DOCK2: variants seen among roughly 807,000 people sequenced by gnomAD.
DOCK2 encodes dedicator of cytokinesis 2, also known as dedicator of cytokinesis protein 2.
Under a neutral mutation model 248.9 loss-of-function variants are expected in DOCK2, and 87 were observed. The observed-to-expected ratio is 0.35, with a 90% confidence interval of 0.29 to 0.42. DOCK2 has a LOEUF of 0.42. DOCK2 is among the 10% of genes least tolerant of loss of function. The pLI, the probability that DOCK2 is intolerant of heterozygous loss-of-function variation, is 1.00. For synonymous variants in DOCK2, 805 were observed against 821.6 expected (o/e 0.98, Z 0.35); for missense variants, 1,747 against 2,300.2 (o/e 0.76, Z 4.92).
At chr5:170,057,428 C>T (rs187414742) in intron 43 of DOCK2, 152 bp from the exon 44 acceptor site, 33 of 707,322 alleles carry the variant, frequency 4.7e-5, no homozygotes, top group East Asian at 1.3e-4. Context: ...AAGGTGAGAG[C>T]GTGTTTCTGG....
chr5:169,945,285 G>A (rs1319415547), intron 27 of DOCK2, among the ~76,000 whole-genome samples: 1 of 152,230 alleles, frequency 6.6e-6, no homozygotes, highest in Non-Finnish European at 1.5e-5. Flanking sequence ...TAACGCCTTA[G>A]CAGGCATATA....
At chr5:169,895,612 G>T (rs182482544) in intron 27 of DOCK2, among the ~76,000 whole-genome samples, 15 of 151,814 alleles carry the variant, frequency 9.9e-5, no homozygotes, top group Non-Finnish European at 1.6e-4. Flanking sequence ...GCCACTGGGG[G>T]TTCCACCTTC....
intron 27 of DOCK2, chr5:169,883,578 G>A (rs773236680): frequency 7.3e-5 from 114 of 1,551,512 alleles, no homozygotes; most frequent in Admixed American, 5.7e-4. Context: ...TGAAAACTGG[G>A]AAATGCTTCC....
chr5:170,077,875 G>A (rs765516206), intron 48 of DOCK2, 38 bp downstream of exon 48: 14 of 1,587,216 alleles, frequency 8.8e-6, no homozygotes, highest in Non-Finnish European at 9.4e-6. Context: ...CCACACCCCT[G>A]CCTCCCTGGC....
chr5:169,656,441 A>T (rs887342393), intron 2 of DOCK2, among the ~76,000 whole-genome samples: 1 of 151,770 alleles, frequency 6.6e-6, no homozygotes, highest in Admixed American at 6.6e-5. Flanking sequence ...CTTGCGCCTC[A>T]GCCTCATTCG....
At chr5:169,732,044 G>A (rs9986261) in intron 22 of DOCK2, among the ~76,000 whole-genome samples, 3,926 of 152,178 alleles carry the variant, frequency 0.026, 175 homozygotes, top group African/African-American at 0.09. Flanking sequence ...ACTTCAACCC[G>A]GGAGGCAGAA....
intron 50 of DOCK2, 99 bp downstream of exon 50, chr5:170,080,382 G>T (rs1431336539): frequency 6.5e-7 from 1 of 1,549,560 alleles, no homozygotes; most frequent in Middle Eastern, 1.9e-4. Context: ...ACACAACAAA[G>T]TGGGCCAGGC....
At chr5:169,828,756 C>T (rs1328076388) in intron 26 of DOCK2, among the ~76,000 whole-genome samples, 1 of 152,196 alleles carries the variant, frequency 6.6e-6, no homozygotes, top group East Asian at 1.9e-4. Context: ...AGCTCCACGC[C>T]TCATCTGAGA....
At chr5:169,940,044 C>G (rs750157764) in intron 27 of DOCK2, among the ~76,000 whole-genome samples, 10 of 152,220 alleles carry the variant, frequency 6.6e-5, no homozygotes, top group Non-Finnish European at 1.3e-4. Context: ...AGGGAGTTTT[C>G]TCACTGTGTC....
In DOCK2 at chr5:170,047,475, T is replaced by C. The variant is rs370910015; in HGVS notation, c.3967-35T>C. On this transcript the variant is annotated intron_variant, in intron 39 of 51. Coordinates refer to ENST00000520908, the MANE Select transcript of DOCK2 (RefSeq NM_004946.3). ...GAGTTGAATGTGCCTTTGATACACA[T>C]CTGTGTTGCAACAAACCTTGTTTTC... The C allele has an allele frequency of 4.7e-5, 75 of 1,597,872 alleles. 1 individual carries two copies. Among genetic ancestry groups the C allele is most frequent in the Admixed American group, 3.5e-4 (21 of 59,614 alleles).
At chr5:169,839,507 G>A (rs994022467) in intron 26 of DOCK2, among the ~76,000 whole-genome samples, 7 of 150,540 alleles carry the variant, frequency 4.6e-5, no homozygotes, top group African/African-American at 7.5e-5. Flanking sequence ...GGCCACCCTC[G>A]CGTATGCATG....
At chr5:169,931,355 C>G (rs2113682516) in intron 27 of DOCK2, among the ~76,000 whole-genome samples, 2 of 152,326 alleles carry the variant, frequency 1.3e-5, no homozygotes, top group Non-Finnish European at 2.9e-5. Context: ...ACACCAGCGT[C>G]TCTCAAAGGG....
chr5:169,712,277 G>T, intron 17 of DOCK2, 54 bp downstream of exon 17: 1 of 1,552,024 alleles, frequency 6.4e-7, no homozygotes, highest in Non-Finnish European at 8.9e-7. Flanking sequence ...AAGAAAGGGG[G>T]TGATGGCAAA....
chr5:169,891,870 C>T (rs1561800569), intron 27 of DOCK2, among the ~76,000 whole-genome samples: 1 of 151,888 alleles, frequency 6.6e-6, no homozygotes. Flanking sequence ...TGGCAGGCAC[C>T]TGTAATCCCA....
At chr5:170,026,325 T>A (rs2113829529) in intron 33 of DOCK2, among the ~76,000 whole-genome samples, 1 of 152,334 alleles carries the variant, frequency 6.6e-6, no homozygotes, top group East Asian at 1.9e-4. Context: ...CCTGAGCCTC[T>A]ACTTCTTCAT....
At chr5:170,057,456 C>T in intron 43 of DOCK2, 124 bp from the exon 44 acceptor site, 1 of 771,252 alleles carries the variant, frequency 1.3e-6, no homozygotes. Flanking sequence ...AATATTTATT[C>T]TGCTTTCGGG....
At chr5:170,028,045 C>A in intron 34 of DOCK2, 97 bp downstream of exon 34, 1 of 1,064,364 alleles carries the variant, frequency 9.4e-7, no homozygotes, top group Admixed American at 2.5e-5. Flanking sequence ...TCTGTCCTCC[C>A]CTGGAGATGG....
intron 29 of DOCK2, among the ~76,000 whole-genome samples, chr5:169,991,057 G>C (rs367693448): frequency 6.6e-6 from 1 of 152,226 alleles, no homozygotes; most frequent in East Asian, 1.9e-4. Flanking sequence ...TTTTACAGAT[G>C]GGGCAGTTGA....
chr5:169,943,718 G>T lies in DOCK2; in HGVS notation c.2800-39350G>T, dbSNP rs1165184524. ...TCAGTGGAATCAGCATCACCTGGGA[G>T]CTTGTTAGAAATGCACATTCTCAGG... On this transcript the variant is annotated intron_variant, in intron 27 of 51. Coordinates refer to ENST00000520908, the MANE Select transcript of DOCK2 (RefSeq NM_004946.3). 2.0e-5 allele frequency among the ~76,000 whole-genome samples: 3 copies of T among 152,152 alleles called. 1 individual carries two copies. Among genetic ancestry groups the T allele is most frequent in the Admixed American group, 2.0e-4 (3 of 15,274 alleles).
Sources: allele counts gnomAD v4.1 joint callset (sites outside exome capture counted in the v4.1 genomes callset), GRCh38; gene constraint gnomAD v4.1.1; transcripts MANE v1.5; gene names NCBI Gene and HGNC (gene_info 2026-07-23, HGNC 2026-07-21).